GPM6B: variants seen among roughly 807,000 people sequenced by gnomAD.
GPM6B encodes the protein glycoprotein M6B, also known as neuronal membrane glycoprotein M6-b.
Under a neutral mutation model 27.2 loss-of-function variants are expected in GPM6B, and 4 were observed. That is an observed-to-expected ratio of 0.15 (90% CI 0.07 to 0.34). GPM6B has a LOEUF of 0.34. GPM6B is among the 10% of genes least tolerant of loss of function. GPM6B has a pLI of 1.00. For missense variants in GPM6B, 183 were observed against 261.9 expected (o/e 0.70, Z 2.08); for synonymous variants, 124 against 103.1 (o/e 1.20, Z -1.23).
chrX:13,793,037 A>T (rs2048743441), intron 2 of GPM6B, among the ~76,000 whole-genome samples: 1 of 109,684 alleles, frequency 9.1e-6, no homozygotes, highest in Admixed American at 9.7e-5. Flanking sequence ...GGAGAGTCAA[A>T]CATACCTCAT....
At chrX:13,814,705 T>C (rs1360567508) in intron 1 of GPM6B, among the ~76,000 whole-genome samples, 2 of 111,895 alleles carry the variant, frequency 1.8e-5, no homozygotes, top group African/African-American at 3.2e-5. Flanking sequence ...GGCTTTGATT[T>C]TGTGTAGCCA....
Position 13,788,076 on chromosome X carries a change from T to C in GPM6B, c.182-2268A>G, listed in dbSNP as rs187840515. On this transcript the variant is annotated intron_variant, in intron 2 of 7. Transcript: ENST00000316715. Reference sequence around the variant, plus strand: ...CTCAAAAGCCACATGGACTAGTGGCTACCGTATTGGACAACACAGATATAG... The same window carrying C: ...CTCAAAAGCCACATGGACTAGTGGCCACCGTATTGGACAACACAGATATAG... 4.4e-4 allele frequency among the ~76,000 whole-genome samples: 49 copies of C among 112,283 alleles called. No homozygotes were observed. In the East Asian group the frequency reaches 0.012, roughly 28 times the overall value.
Position 13,816,957 on chromosome X carries a change from TTCC to T in GPM6B, c.-56_-54del. 3 of 1,159,303 alleles carry T rather than the reference TTCC, an allele frequency of 2.6e-6. No individual in the cohort carries two copies. Among genetic ancestry groups the T allele is most frequent in the Non-Finnish European group, 3.4e-6 (3 of 873,475 alleles). On this transcript the variant is annotated 5_prime_UTR_variant, in exon 1 of 8. Transcript: ENST00000316715. The stretch of plus-strand genomic sequence containing the variant: ...TGTTCCCCCCAACACACACTTGTTT[TTCC>T]TCCTCTTCCTTTTCTTTTGGACTCC...
intron 1 of GPM6B, among the ~76,000 whole-genome samples, chrX:13,874,324 A>G (rs2050010048): frequency 8.9e-6 from 1 of 111,754 alleles, no homozygotes; most frequent in Non-Finnish European, 1.9e-5. Flanking sequence ...TAGATTCAAT[A>G]AATATTCACT....
chrX:13,794,723 G>A (rs150727236), intron 2 of GPM6B, among the ~76,000 whole-genome samples: 24 of 111,509 alleles, frequency 2.2e-4, no homozygotes, highest in African/African-American at 7.8e-4. Flanking sequence ...AAATGTCCTC[G>A]ATGCAATAAA....
chrX:13,791,678 C>G (rs760347782), intron 2 of GPM6B, among the ~76,000 whole-genome samples: 1 of 111,848 alleles, frequency 8.9e-6, no homozygotes, highest in East Asian at 2.8e-4. Context: ...TCCAGTATCC[C>G]TAGAACCTTT....
At chrX:13,870,248 G>A (rs769341773) in intron 1 of GPM6B, among the ~76,000 whole-genome samples, 1 of 102,763 alleles carries the variant, frequency 9.7e-6, no homozygotes, top group Admixed American at 1.1e-4. Context: ...GCCACAAGTC[G>A]AATTTAAGAC....
intron 4 of GPM6B, chrX:13,781,054 C>T (rs1238682367): frequency 4.0e-6 from 1 of 251,542 alleles, no homozygotes; most frequent in Non-Finnish European, 7.8e-6. Flanking sequence ...CCACCTCCCA[C>T]TTCCTCCCAC....
chrX:13,839,425 G>C (rs964185993), intron 1 of GPM6B, among the ~76,000 whole-genome samples: 3 of 111,775 alleles, frequency 2.7e-5, no homozygotes, highest in Non-Finnish European at 5.6e-5. Flanking sequence ...AGGACCTCTT[G>C]AGACTGTGCC....
chrX:13,898,978 C>T (rs986295270), intron 1 of GPM6B, among the ~76,000 whole-genome samples: 2 of 112,027 alleles, frequency 1.8e-5, no homozygotes, highest in African/African-American at 3.2e-5. Context: ...CAGAACATGC[C>T]TTTTCAACAC....
intron 1 of GPM6B, among the ~76,000 whole-genome samples, chrX:13,903,770 C>T (rs1279736317): frequency 3.6e-5 from 4 of 112,100 alleles, no homozygotes; most frequent in Middle Eastern, 4.6e-3. Context: ...CCCCATGAGA[C>T]GGGCCGGGGG....
intron 1 of GPM6B, among the ~76,000 whole-genome samples, chrX:13,908,339 C>T (rs1290043475): frequency 8.9e-6 from 1 of 112,108 alleles, no homozygotes; most frequent in Non-Finnish European, 1.9e-5. Context: ...GCAAAGGGTA[C>T]AACATCCCAT....
rs769634599 is a variant in GPM6B, at chrX:13,869,175, C to T, written c.-198+69152G>A. The stretch of plus-strand genomic sequence containing the variant: ...AGGAATGAAGTACTGACACATGCTA[C>T]CACATGGATAAACCTCAGAAACATC... On this transcript the variant is annotated intron_variant, in intron 1 of 6. Coordinates refer to the GPM6B transcript ENST00000398361. Among the ~76,000 whole-genome samples the T allele has an allele frequency of 2.9e-3, 331 of 112,261 alleles. 2 individuals carry two copies. Among genetic ancestry groups the T allele is most frequent in the Non-Finnish European group, 5.3e-3 (281 of 53,222 alleles).
At chrX:13,860,817 T>C (rs1341957623) in intron 1 of GPM6B, among the ~76,000 whole-genome samples, 1 of 108,159 alleles carries the variant, frequency 9.2e-6, no homozygotes, top group African/African-American at 3.4e-5. Flanking sequence ...CAAATCCCAG[T>C]GTATCATTCT....
At chrX:13,873,615 G>A (rs1160611089) in intron 1 of GPM6B, among the ~76,000 whole-genome samples, 1 of 111,565 alleles carries the variant, frequency 9.0e-6, no homozygotes, top group Non-Finnish European at 1.9e-5. Flanking sequence ...CAACTTTGTA[G>A]GGTTATTTTG....
At chrX:13,881,576 T>C (rs2050098675) in intron 1 of GPM6B, among the ~76,000 whole-genome samples, 1 of 82,314 alleles carries the variant, frequency 1.2e-5, no homozygotes. Context: ...ATTTAATAGC[T>C]AATGCTGTAA....
At chrX:13,809,416 G>C (rs2049083367) in intron 1 of GPM6B, among the ~76,000 whole-genome samples, 1 of 111,757 alleles carries the variant, frequency 8.9e-6, no homozygotes, top group African/African-American at 3.3e-5. Context: ...AAACGGTCCA[G>C]GTCCTAAGCT....
chrX:13,894,725 C>A (rs1218182900), intron 1 of GPM6B, among the ~76,000 whole-genome samples: 1 of 112,368 alleles, frequency 8.9e-6, no homozygotes, highest in Non-Finnish European at 1.9e-5. Context: ...TTAAAAATAA[C>A]GTTGGGTTCT....
chrX:13,858,948 C>T lies in GPM6B; in HGVS notation c.-197-73140G>A, dbSNP rs149794687. 3.7e-3 allele frequency among the ~76,000 whole-genome samples: 419 copies of T among 112,347 alleles called. 2 individuals are homozygous for T. The highest frequency in any genetic ancestry group is 0.013 in the African/African-American group (404 of 30,965). On this transcript the variant is annotated intron_variant, in intron 1 of 6. Transcript: ENST00000398361. ...CATGTGTATGAAGCGTGCTCAATAG[C>T]ACCTGCATTAAGTTTCCTTTGAGAT...
Sources: allele counts gnomAD v4.1 joint callset (sites outside exome capture counted in the v4.1 genomes callset), GRCh38; gene constraint gnomAD v4.1.1; transcripts MANE v1.5; gene names NCBI Gene and HGNC (gene_info 2026-07-23, HGNC 2026-07-21).